Variants in ITFG2 observed in about 807,000 individuals in gnomAD.
ITFG2 encodes the protein integrin alpha FG-GAP repeat containing 2, also known as KICSTOR complex protein ITFG2.
A neutral mutation model predicts 54.4 loss-of-function variants in ITFG2; 36 were observed. The observed-to-expected ratio is 0.66, with a 90% confidence interval of 0.51 to 0.87. The LOEUF (loss-of-function observed/expected upper bound fraction) is 0.87, where lower values mean the gene tolerates loss of function less well. Among genes scored for constraint, ITFG2 ranks in the 40% least tolerant of loss-of-function variants. The probability of loss-of-function intolerance (pLI) is 0.00; values close to 1 mark genes in which losing one functional copy is unlikely to be tolerated. For missense variants in ITFG2, 524 were observed against 576.7 expected (o/e 0.91, Z 0.94); for synonymous variants, 211 against 225.4 (o/e 0.94, Z 0.57).
At chr12:2,835,102 A>T, upstream of ITFG2, 1 of 1,429,498 alleles carries the variant, frequency 7.0e-7, no homozygotes, top group Non-Finnish European at 9.1e-7. Flanking sequence ...CAGCTGGCTG[A>T]CTTGGCCGCA....
At chr12:2,858,824 TG>T in intron 3 of ITFG2, 1 of 1,614,150 alleles carries the variant, frequency 6.2e-7, no homozygotes, top group Non-Finnish European at 8.5e-7. Flanking sequence ...CCGGGGAGCC[TG>T]GCTTGGGGAC....
intron 2 of ITFG2, chr12:2,854,955 C>G (rs1057310764): frequency 1.3e-6 from 2 of 1,536,070 alleles, no homozygotes; most frequent in African/African-American, 1.4e-5. Flanking sequence ...GTGCTCTTGC[C>G]TCACTCCTCA....
chr12:2,856,461 G>A (rs1216729332), intron 2 of ITFG2, among the ~76,000 whole-genome samples: 1 of 152,160 alleles, frequency 6.6e-6, no homozygotes, highest in African/African-American at 2.4e-5. Context: ...CACCTCCCGG[G>A]TTCAAGTGAT....
chr12:2,828,197 T>C (rs1431013265), downstream of ITFG2: 6 of 1,140,402 alleles, frequency 5.3e-6, no homozygotes, highest in Non-Finnish European at 7.8e-6. Flanking sequence ...CAGAGTCTTC[T>C]AGCCACTCTT....
At chr12:2,857,953 C>T (rs1200318801) in intron 2 of ITFG2, 1 of 152,576 alleles carries the variant, frequency 6.6e-6, no homozygotes, top group Non-Finnish European at 1.5e-5. Context: ...TCCTCCCACC[C>T]CAAATTCAAC....
chr12:2,823,306 A>G (rs1249997513), intron 10 of ITFG2, among the ~76,000 whole-genome samples: 1 of 150,918 alleles, frequency 6.6e-6, no homozygotes, highest in Non-Finnish European at 1.5e-5. Context: ...CTCTGTGAAG[A>G]AAGTTCTCCT....
chr12:2,834,985 C>A (rs746440303), upstream of ITFG2: 59 of 1,558,788 alleles, frequency 3.8e-5, 2 homozygotes, highest in South Asian at 7.0e-4. Flanking sequence ...AAATAACATG[C>A]AGGAGCAGCC....
At chr12:2,843,966 A>G (rs2098047384) in intron 2 of ITFG2, among the ~76,000 whole-genome samples, 1 of 148,622 alleles carries the variant, frequency 6.7e-6, no homozygotes, top group Non-Finnish European at 1.5e-5. Context: ...AATAGCAAAA[A>G]GTAGTAAACT....
intron 2 of ITFG2, chr12:2,830,447 A>C: frequency 2.8e-5 from 11 of 393,848 alleles, no homozygotes; most frequent in South Asian, 5.0e-5. Context: ...CACACTGAGG[A>C]GTACTTACTT....
rs551167756 is a variant in ITFG2 at position 2,841,493 on chromosome 12, C to T, written n.300+498C>T. 5.9e-5 allele frequency among the ~76,000 whole-genome samples: 9 copies of T among 152,310 alleles called. No individual in the cohort carries two copies. The East Asian group carries it at 1.5e-3, about 26-fold the overall frequency. ...TGTCTTTAGATAAAACCAGACCACA[C>T]CTTGCATTTACCACTGGGTGTCAGA... On this transcript the variant is annotated intron_variant and non_coding_transcript_variant, in intron 2 of 3. Transcript: ENST00000537710.
chr12:2,832,151 A>G (rs1453634783), upstream of ITFG2, among the ~76,000 whole-genome samples: 2 of 152,186 alleles, frequency 1.3e-5, no homozygotes, highest in African/African-American at 4.8e-5. Context: ...TCATTGTGAC[A>G]AGATCCCCAG....
intron 2 of ITFG2, among the ~76,000 whole-genome samples, chr12:2,844,959 C>A (rs561884142): frequency 2.6e-5 from 4 of 152,190 alleles, no homozygotes; most frequent in Non-Finnish European, 4.4e-5. Context: ...TGGAGGCGTT[C>A]GTGAGGCTCT....
upstream of ITFG2, among the ~76,000 whole-genome samples, chr12:2,834,057 T>G (rs1205034752): frequency 6.6e-6 from 1 of 152,160 alleles, no homozygotes; most frequent in Non-Finnish European, 1.5e-5. Context: ...CCAAAGCTGC[T>G]GCAGACATGG....
chr12:2,853,401 T>C (rs967164414), intron 2 of ITFG2, among the ~76,000 whole-genome samples: 3 of 152,036 alleles, frequency 2.0e-5, no homozygotes, highest in Admixed American at 2.0e-4. Flanking sequence ...GCCTCCTGAG[T>C]AGCTGGGATT....
downstream of ITFG2, chr12:2,827,425 T>C (rs1003098833): frequency 4.7e-5 from 72 of 1,522,696 alleles, no homozygotes; most frequent in Admixed American, 4.5e-5. This position sits in a 1 kb window ranked among gnomAD's most constrained non-coding sequence, Gnocchi z 4.0. Flanking sequence ...CCCATCCCCA[T>C]TTCCCTAGAC....
At chr12:2,837,851 A>G (rs943509742) in intron 1 of ITFG2, among the ~76,000 whole-genome samples, 5 of 152,146 alleles carry the variant, frequency 3.3e-5, no homozygotes, top group African/African-American at 1.2e-4. Context: ...ATTCTTAGAA[A>G]ATATGCCCAA....
chr12:2,848,911 ACT>A (rs1491074880), intron 2 of ITFG2: 1 of 357,284 alleles, frequency 2.8e-6, no homozygotes, highest in African/African-American at 2.2e-5. Context: ...ACACACACAC[ACT>A]CCTTCCTTCC....
rs778033097 is a variant in ITFG2 at position 2,824,781 on chromosome 12, G to A, written c.*588G>A. The A allele has an allele frequency of 5.7e-4, 89 of 154,930 alleles. 1 individual carries two copies. The highest frequency in any genetic ancestry group is 3.9e-4 in the Non-Finnish European group (27 of 69,808). 9.6% of individuals were successfully genotyped at this position (154,930 alleles called of 1,614,324 possible). A position where few individuals can be genotyped will look rare whatever the true frequency, so the allele number is the denominator to read the frequency against. ...CGGGTCAGTGCTTTCTCACGTTGCC[G>A]TATTCTTCAGGTATTAGTCAGCTTC... On this transcript the variant is annotated 3_prime_UTR_variant, in exon 12 of 12. Coordinates refer to ENST00000228799, the MANE Select transcript of ITFG2 (RefSeq NM_018463.4).
chr12:2,849,614 G>C (rs904038986), intron 2 of ITFG2: 1 of 1,416,062 alleles, frequency 7.1e-7, no homozygotes, highest in African/African-American at 1.4e-5. Context: ...GGGTGATGCC[G>C]CTGTCCACAA....
Sources: gnomAD v4.1 joint callset for allele counts (sites outside exome capture counted in the v4.1 genomes callset) on GRCh38, gnomAD v4.1.1 for gene constraint, Gnocchi (gnomAD v3.1) non-coding constraint, MANE v1.5 for transcripts, NCBI Gene and HGNC (gene_info 2026-07-23, HGNC 2026-07-21) for gene names.